SMYD3: variants seen among roughly 807,000 people sequenced by gnomAD.
The protein encoded by SMYD3 is histone-lysine N-methyltransferase SMYD3.
A neutral mutation model predicts 57.7 loss-of-function variants in SMYD3; 36 were observed. The observed-to-expected ratio is 0.62, with a 90% CI of 0.48 to 0.82. The LOEUF is 0.82. SMYD3 is among the 40% of genes least tolerant of loss of function. The probability of loss-of-function intolerance (pLI) is 0.00; values close to 1 mark genes in which losing one functional copy is unlikely to be tolerated. For missense variants in SMYD3, 515 were observed against 538.8 expected (o/e 0.96, Z 0.44); for synonymous variants, 211 against 195.0 (o/e 1.08, Z -0.68).
intron 5 of SMYD3, among the ~76,000 whole-genome samples, chr1:246,268,194 A>T (rs1000584232): frequency 2.6e-5 from 4 of 152,230 alleles, no homozygotes; most frequent in Non-Finnish European, 4.4e-5. Context: ...GATAAAGGTC[A>T]TAAAGACCTT....
At chr1:245,950,930 G>A (rs1270028094) in intron 5 of SMYD3, among the ~76,000 whole-genome samples, 1 of 152,168 alleles carries the variant, frequency 6.6e-6, no homozygotes, top group African/African-American at 2.4e-5. Context: ...TAGGGAAACT[G>A]GGGATGGATT....
intron 5 of SMYD3, among the ~76,000 whole-genome samples, chr1:246,173,644 A>G (rs2062382150): frequency 6.6e-6 from 1 of 152,160 alleles, no homozygotes; most frequent in South Asian, 2.1e-4. Context: ...ATGCCTACAC[A>G]GGGTCGGGGT....
chr1:245,782,571 T>G (rs188529320), intron 10 of SMYD3, among the ~76,000 whole-genome samples: 33 of 152,338 alleles, frequency 2.2e-4, no homozygotes, highest in Non-Finnish European at 1.9e-4. Flanking sequence ...CAAATATAAT[T>G]AATGGCTTGT....
At chr1:245,919,831 T>C (rs1238442087) in intron 7 of SMYD3, among the ~76,000 whole-genome samples, 4 of 152,218 alleles carry the variant, frequency 2.6e-5, no homozygotes, top group South Asian at 2.1e-4. Context: ...ATTAATGCCA[T>C]TGACCACTGC....
At chr1:245,905,332 G>A (rs142672247) in intron 8 of SMYD3, among the ~76,000 whole-genome samples, 4 of 152,196 alleles carry the variant, frequency 2.6e-5, no homozygotes, top group African/African-American at 4.8e-5. Flanking sequence ...GCCTGCCTTC[G>A]GCCGGAGGGC....
chr1:245,852,336 T>G (rs9725767), intron 10 of SMYD3, among the ~76,000 whole-genome samples: 147,581 of 152,262 alleles, frequency 0.97, 71,578 homozygotes, highest in Non-Finnish European at 0.99. Flanking sequence ...GTAGGTTCAG[T>G]GCTGGAACCA....
intron 1 of SMYD3, among the ~76,000 whole-genome samples, chr1:246,443,808 ACT>A (rs1396334460): frequency 2.6e-5 from 4 of 152,164 alleles, no homozygotes; most frequent in African/African-American, 9.7e-5. Flanking sequence ...TGTAGATTTC[ACT>A]CTTTTACTTA....
At chr1:246,112,147 C>A (rs527698391) in intron 5 of SMYD3, among the ~76,000 whole-genome samples, 1 of 152,292 alleles carries the variant, frequency 6.6e-6, no homozygotes, top group East Asian at 1.9e-4. Context: ...CTTCAGTTCA[C>A]AGAATGACTG....
At chr1:246,363,325 C>T (rs2066036975) in intron 1 of SMYD3, among the ~76,000 whole-genome samples, 1 of 151,746 alleles carries the variant, frequency 6.6e-6, no homozygotes, top group African/African-American at 2.4e-5. Flanking sequence ...CCCGGCCAGC[C>T]GCCCCATCCG....
At chr1:245,920,278 A>G (rs564595676) in intron 7 of SMYD3, among the ~76,000 whole-genome samples, 33 of 145,340 alleles carry the variant, frequency 2.3e-4, no homozygotes, top group East Asian at 1.1e-3. Context: ...ATGCCACTGC[A>G]CTCCAGCCTG....
intron 8 of SMYD3, among the ~76,000 whole-genome samples, chr1:245,915,167 T>C (rs2147773911): frequency 6.6e-6 from 1 of 152,338 alleles, no homozygotes; most frequent in South Asian, 2.1e-4. Flanking sequence ...TAAAACTTGG[T>C]ATGTTGTTTA....
chr1:246,457,441 G>A (rs541368379), intron 1 of SMYD3, among the ~76,000 whole-genome samples: 24 of 148,952 alleles, frequency 1.6e-4, no homozygotes, highest in African/African-American at 5.1e-4. Context: ...GCTGAGGCAG[G>A]AGAATCACTT....
At chr1:245,894,503 T>C (rs1287728996) in intron 8 of SMYD3, among the ~76,000 whole-genome samples, 2 of 152,024 alleles carry the variant, frequency 1.3e-5, no homozygotes, top group African/African-American at 4.8e-5. Context: ...GTCCGTGCCA[T>C]CTTTAAGAGC....
chr1:246,286,458 T>C (rs2064566024), intron 5 of SMYD3, among the ~76,000 whole-genome samples: 1 of 152,238 alleles, frequency 6.6e-6, no homozygotes, highest in Non-Finnish European at 1.5e-5. Flanking sequence ...TCATACAAAT[T>C]ATTTCCTCAA....
chr1:246,256,221 T>C (rs2063891422), intron 5 of SMYD3, among the ~76,000 whole-genome samples: 1 of 152,118 alleles, frequency 6.6e-6, no homozygotes, highest in Non-Finnish European at 1.5e-5. Context: ...TGTCTCCCTT[T>C]TTCATGATTT....
rs530786343 is a variant in SMYD3, at chr1:246,213,374, C to T, written c.531+113827G>A. On this transcript the variant is annotated intron_variant, in intron 5 of 11. Transcript: ENST00000490107. ...TACATTGGCTAGGGTCCAGCTCATC[C>T]GCAAGAAGACAAAACTCCAGTGAGT... Among the ~76,000 whole-genome samples the T allele has an allele frequency of 5.9e-5, 9 of 152,204 alleles. No individual in the cohort carries two copies. The South Asian group carries it at 1.2e-3, about 21-fold the overall frequency.
chr1:246,493,317 TA>T (rs1365554876), intron 1 of SMYD3, among the ~76,000 whole-genome samples: 1 of 151,430 alleles, frequency 6.6e-6, no homozygotes, highest in Admixed American at 6.6e-5. Flanking sequence ...AATAAATAAA[TA>T]AAAAGAAAGA....
At chr1:246,351,078 T>C (rs1339828265) in intron 2 of SMYD3, among the ~76,000 whole-genome samples, 1 of 152,246 alleles carries the variant, frequency 6.6e-6, no homozygotes, top group Non-Finnish European at 1.5e-5. Flanking sequence ...TGCTTACTAA[T>C]GTGGGATTAA....
chr1:246,246,137 T>C (rs576489821), intron 5 of SMYD3, among the ~76,000 whole-genome samples: 1 of 152,352 alleles, frequency 6.6e-6, no homozygotes, highest in East Asian at 1.9e-4. Context: ...GACAACGATC[T>C]TACTTTTATT....
Sources: allele counts gnomAD v4.1 joint callset (sites outside exome capture counted in the v4.1 genomes callset), GRCh38; gene constraint gnomAD v4.1.1; transcripts MANE v1.5; gene names NCBI Gene and HGNC (gene_info 2026-07-23, HGNC 2026-07-21).